The following SLC25A46 variants were observed in gnomAD, a reference collection of about 807,000 sequenced individuals.
SLC25A46 encodes the protein mitochondrial outer membrane protein SLC25A46.
Under a neutral mutation model 44.6 loss-of-function variants are expected in SLC25A46, and 39 were observed. The observed-to-expected ratio is 0.87, with a 90% CI of 0.68 to 1.14. SLC25A46 has a LOEUF of 1.14. Ranked by LOEUF, SLC25A46 falls within the 50% of genes most tolerant of loss-of-function variation. SLC25A46 has a pLI of 0.00. For synonymous variants in SLC25A46, 202 were observed against 185.8 expected, an observed-to-expected ratio of 1.09 and a Z score of -0.71; for missense variants, 547 against 522.7, an observed-to-expected ratio of 1.05 and a Z score of -0.45.
intron 2 of SLC25A46, 137 bp from the exon 3 acceptor site, chr5:110,743,593 C>A (rs1358646983): frequency 1.0e-5 from 5 of 490,512 alleles, no homozygotes; most frequent in African/African-American, 8.0e-5. Context: ...TTTTAAAGAT[C>A]TATTTAATTT....
At chr5:110,744,056 A>T (rs1435488327) in intron 3 of SLC25A46, among the ~76,000 whole-genome samples, 3 of 152,220 alleles carry the variant, frequency 2.0e-5, no homozygotes, top group Admixed American at 6.5e-5. Flanking sequence ...TTAAAATAAT[A>T]ACACCTGTTA....
Position 110,762,184 on chromosome 5 carries a change from G to C in SLC25A46, c.*402G>C. 5.9e-6 allele frequency: 1 copy of C among 168,718 alleles called. No homozygotes were observed. Among genetic ancestry groups the C allele is most frequent in the Non-Finnish European group, 1.3e-5 (1 of 77,522 alleles). 10.5% of individuals were successfully genotyped at this position (168,718 alleles called of 1,614,324 possible). A position where few individuals can be genotyped will look rare whatever the true frequency, so the allele number is the denominator to read the frequency against. On this transcript the variant is annotated 3_prime_UTR_variant, in exon 8 of 8. Transcript: ENST00000355943. ...ATGTTGGTATAGTATCCTTAATACA[G>C]TGTAGTATATTAATGTCCTTAATAC...
intron 1 of SLC25A46, among the ~76,000 whole-genome samples, chr5:110,741,053 T>A (rs1799675649): frequency 6.6e-6 from 1 of 152,204 alleles, no homozygotes; most frequent in Admixed American, 6.5e-5. Context: ...AACTGCGTAA[T>A]TTCCCAGGAA....
intron 5 of SLC25A46, chr5:110,753,301 GT>G (rs11376791): frequency 0.08 from 11,107 of 138,514 alleles, 1,418 homozygotes; most frequent in African/African-American, 0.28. Flanking sequence ...GTTGGGGTAA[GT>G]TTTTTTTTTT....
At chr5:110,749,286 G>A (rs1799898484) in intron 5 of SLC25A46, among the ~76,000 whole-genome samples, 1 of 151,904 alleles carries the variant, frequency 6.6e-6, no homozygotes, top group South Asian at 2.1e-4. Context: ...AGACATTGAG[G>A]GAGAGGGACA....
Position 110,746,259 on chromosome 5 carries a change from T to G in SLC25A46, c.385-10T>G. 1 of 1,553,332 alleles carries G rather than the reference T, an allele frequency of 6.4e-7. No homozygotes were observed. Among genetic ancestry groups the G allele is most frequent in the Non-Finnish European group, 8.7e-7 (1 of 1,148,608 alleles). ...TAACAGAAAAAAATAATGAAATATC[T>G]TTTTTACAGGTTAATTACCATGCTC... is the stretch of plus-strand genomic sequence containing the variant. On this transcript the variant is annotated splice_polypyrimidine_tract_variant and intron_variant, in intron 3 of 7. Coordinates refer to ENST00000355943, the MANE Select transcript of SLC25A46 (RefSeq NM_138773.4).
chr5:110,742,023 T>A lies in SLC25A46; in HGVS notation c.284-24T>A, dbSNP rs747257392. The A allele has an allele frequency of 7.4e-6, 11 of 1,488,754 alleles. No individual in the cohort carries two copies. The South Asian group carries it at 1.3e-4, about 17-fold the overall frequency. The allele number at this position is 1,488,754 out of a possible 1,614,324, so 92.2% of individuals were successfully genotyped here. ...TTGGTTATCAGTAATCTTATTTTTT[T>A]ATTTCTATTTTTTTTTACTTTAGAA... On this transcript the variant is annotated intron_variant, in intron 1 of 7. Coordinates refer to ENST00000355943, the MANE Select transcript of SLC25A46 (RefSeq NM_138773.4).
chr5:110,748,289 A>G (rs1386204865), intron 5 of SLC25A46, 26 bp downstream of exon 5: 3 of 1,577,412 alleles, frequency 1.9e-6, no homozygotes, highest in Non-Finnish European at 2.6e-6. Context: ...TTTCTTCAGT[A>G]TTAGTTTCAT....
intron 5 of SLC25A46, among the ~76,000 whole-genome samples, chr5:110,751,785 G>A: frequency 6.6e-6 from 1 of 152,186 alleles, no homozygotes; most frequent in East Asian, 1.9e-4. Flanking sequence ...CAAACTGAGG[G>A]AATTTGGTGA....
intron 3 of SLC25A46, among the ~76,000 whole-genome samples, chr5:110,744,139 G>C (rs1169408979): frequency 1.3e-5 from 2 of 152,092 alleles, no homozygotes; most frequent in African/African-American, 4.8e-5. Flanking sequence ...GACATAATAG[G>C]AGAGAGCCAG....
intron 5 of SLC25A46, 95 bp from the exon 6 acceptor site, chr5:110,755,370 A>AT (rs1800083017): frequency 1.4e-6 from 1 of 733,546 alleles, no homozygotes; most frequent in Non-Finnish European, 2.3e-6. Context: ...ATTGAAAAAA[A>AT]TTAGAAGTTG....
chr5:110,742,681 G>C (rs991576934), intron 2 of SLC25A46, among the ~76,000 whole-genome samples: 1 of 151,958 alleles, frequency 6.6e-6, no homozygotes, highest in African/African-American at 2.4e-5. Flanking sequence ...AATGTAATCT[G>C]TCTGTCTCCC....
intron 5 of SLC25A46, chr5:110,754,617 C>G (rs1307247621): frequency 5.3e-5 from 8 of 151,576 alleles, no homozygotes; most frequent in South Asian, 2.1e-4. Flanking sequence ...CAAAATCCTA[C>G]ACCTTGGTTC....
rs778727882 is a variant in SLC25A46, at chr5:110,739,057, G to C, written c.-63G>C. On this transcript the variant is annotated 5_prime_UTR_variant, in exon 1 of 8. Transcript: ENST00000355943. The stretch of plus-strand genomic sequence containing the variant: ...GCCGACGGGAAGCTGTGTGTGCTTA[G>C]GTCGTGGTGGCCCCGGTGGTGGTGG... 5.2e-6 allele frequency: 8 copies of C among 1,523,998 alleles called. No individual in the cohort carries two copies. Among genetic ancestry groups the C allele is most frequent in the South Asian group, 4.8e-5 (4 of 83,118 alleles). 94.4% of individuals were successfully genotyped at this position (1,523,998 alleles called of 1,614,324 possible).
chr5:110,739,077 TG>T lies in SLC25A46; in HGVS notation c.-41del. The T allele has an allele frequency of 6.5e-7, 1 of 1,532,092 alleles. No individual in the cohort carries two copies. Among genetic ancestry groups the T allele is most frequent in the Non-Finnish European group, 8.7e-7 (1 of 1,143,740 alleles). 94.9% of individuals were successfully genotyped at this position (1,532,092 alleles called of 1,614,324 possible). A position where few individuals can be genotyped will look rare whatever the true frequency, so the allele number is the denominator to read the frequency against. On this transcript the variant is annotated 5_prime_UTR_variant, in exon 1 of 8. Transcript: ENST00000355943. Reference sequence around the variant, plus strand: ...GCTTAGGTCGTGGTGGCCCCGGTGGTGGTGGGCTCCGGGCGGGCTCGCGTCA... The same window carrying T: ...GCTTAGGTCGTGGTGGCCCCGGTGGTGTGGGCTCCGGGCGGGCTCGCGTCA...
At chr5:110,744,972 A>G (rs933381742) in intron 3 of SLC25A46, among the ~76,000 whole-genome samples, 4 of 152,204 alleles carry the variant, frequency 2.6e-5, no homozygotes, top group African/African-American at 7.2e-5. Context: ...GGATATTACT[A>G]TATGAAGGTT....
rs1800340572 is a variant in SLC25A46, at chr5:110,764,544, A to G, written c.*2762A>G. The G allele has an allele frequency of 6.6e-6, 1 of 151,960 alleles. No individual in the cohort carries two copies. The highest frequency in any genetic ancestry group is 6.6e-5 in the Admixed American group (1 of 15,210). The allele number at this position is 151,960 out of a possible 1,614,324, so 9.4% of individuals were successfully genotyped here. ...TAAGAACTTGCTTACTATTGCAGAT[A>G]TACCTGACCACTCACAACTGTCTTT... is the stretch of plus-strand genomic sequence containing the variant. On this transcript the variant is annotated 3_prime_UTR_variant, in exon 8 of 8. Coordinates refer to ENST00000355943, the MANE Select transcript of SLC25A46 (RefSeq NM_138773.4).
intron 3 of SLC25A46, among the ~76,000 whole-genome samples, chr5:110,744,993 C>G (rs1387883170): frequency 1.3e-5 from 2 of 152,126 alleles, no homozygotes; most frequent in African/African-American, 4.8e-5. Context: ...GCTTTTTTCT[C>G]TCTATGGGTA....
At chr5:110,738,844 A>C, upstream of SLC25A46, 1 of 661,792 alleles carries the variant, frequency 1.5e-6, no homozygotes, top group Non-Finnish European at 2.4e-6. Flanking sequence ...TGTTTCATTA[A>C]TCCCACAACC....
Sources: allele counts gnomAD v4.1 joint callset (sites outside exome capture counted in the v4.1 genomes callset), GRCh38; gene constraint gnomAD v4.1.1; transcripts MANE v1.5; gene names NCBI Gene and HGNC (gene_info 2026-07-23, HGNC 2026-07-21).